The following CYP19A1 variants were observed in gnomAD, a reference collection of about 807,000 sequenced individuals.
The protein encoded by CYP19A1 is aromatase.
A neutral mutation model predicts 44.4 loss-of-function variants in CYP19A1; 32 were observed. The ratio of observed to expected loss-of-function variants is 0.72; its 90% CI spans 0.54 to 0.97. The LOEUF (loss-of-function observed/expected upper bound fraction) is 0.97, where lower values mean the gene tolerates loss of function less well. Among genes scored for constraint, CYP19A1 ranks in the 50% least tolerant of loss-of-function variants. The probability of loss-of-function intolerance (pLI) is 0.00; values close to 1 mark genes in which losing one functional copy is unlikely to be tolerated. For synonymous variants in CYP19A1, 212 were observed against 215.6 expected (o/e 0.98, Z 0.14); for missense variants, 598 against 637.8 (o/e 0.94, Z 0.67).
At chr15:51,272,008 C>T (rs930407517) in intron 1 of CYP19A1, among the ~76,000 whole-genome samples, 1 of 152,208 alleles carries the variant, frequency 6.6e-6, no homozygotes, top group African/African-American at 2.4e-5. Context: ...TCACCAAGTT[C>T]ATTGTTTATA....
At chr15:51,279,897 C>T (rs887388254) in intron 1 of CYP19A1, 1 of 152,176 alleles carries the variant, frequency 6.6e-6, no homozygotes. Flanking sequence ...CTCCTCTTTT[C>T]CCAATTCCAA....
At chr15:51,315,743 G>C (rs1190750345) in intron 1 of CYP19A1, 1 of 152,202 alleles carries the variant, frequency 6.6e-6, no homozygotes, top group East Asian at 1.9e-4. Flanking sequence ...TGCAGATTCT[G>C]GGTGCCAAGG....
At chr15:51,262,408 T>A (rs1170903148) in intron 1 of CYP19A1, among the ~76,000 whole-genome samples, 14 of 152,158 alleles carry the variant, frequency 9.2e-5, no homozygotes, top group Admixed American at 9.2e-4. Context: ...GCGCACTGGG[T>A]TAGGGTCTCC....
At position 51,325,565 on chromosome 15, in the gene CYP19A1, C is replaced by T. The variant is rs191339120; in HGVS notation, c.-39+12930G>A. Among the ~76,000 whole-genome samples, 27 of 152,272 alleles carry T rather than the reference C, an allele frequency of 1.8e-4. No homozygotes were observed. In the East Asian group the frequency reaches 4.2e-3, roughly 24 times the overall value. On this transcript the variant is annotated intron_variant, in intron 1 of 9. Transcript: ENST00000396402. ...TGAAAAGTTGAAAGTGCAGGCCAGGCGCCATGGCTCATGCCTGTAATCCCA... is the reference window on the plus strand; with the variant it reads ...TGAAAAGTTGAAAGTGCAGGCCAGGTGCCATGGCTCATGCCTGTAATCCCA...
intron 3 of CYP19A1, among the ~76,000 whole-genome samples, chr15:51,229,081 C>G (rs1326882747): frequency 6.6e-6 from 1 of 152,190 alleles, no homozygotes; most frequent in Non-Finnish European, 1.5e-5. Context: ...CAAAAAAGCG[C>G]TGCTCTGGTT....
At chr15:51,257,322 T>C (rs772874519) in intron 1 of CYP19A1, among the ~76,000 whole-genome samples, 8 of 152,232 alleles carry the variant, frequency 5.3e-5, no homozygotes, top group Non-Finnish European at 7.3e-5. Context: ...GTAAACCTTG[T>C]GGTCATGGCC....
intron 6 of CYP19A1, among the ~76,000 whole-genome samples, chr15:51,217,286 C>T (rs996139507): frequency 1.3e-5 from 2 of 152,178 alleles, no homozygotes; most frequent in African/African-American, 4.8e-5. Context: ...GTTATACAGA[C>T]TCATACAATA....
chr15:51,266,111 T>C (rs1375523203), intron 1 of CYP19A1, among the ~76,000 whole-genome samples: 2 of 152,160 alleles, frequency 1.3e-5, no homozygotes, highest in African/African-American at 4.8e-5. Context: ...TGAGGAAAGA[T>C]TTTGCTCTCA....
At chr15:51,329,974 G>A (rs535093995) in intron 1 of CYP19A1, among the ~76,000 whole-genome samples, 35 of 152,310 alleles carry the variant, frequency 2.3e-4, no homozygotes, top group African/African-American at 8.2e-4. Context: ...TGTGGGGCTG[G>A]AGGGCTCCCC....
At chr15:51,334,260 G>A (rs2036744118) in intron 1 of CYP19A1, among the ~76,000 whole-genome samples, 1 of 152,146 alleles carries the variant, frequency 6.6e-6, no homozygotes, top group African/African-American at 2.4e-5. Flanking sequence ...TGATAAACAG[G>A]GCATGGGTGA....
In CYP19A1 at chr15:51,315,944, G is replaced by A. The variant is rs907890609; in HGVS notation, c.-39+22551C>T. 4 of 152,242 alleles carry A rather than the reference G, an allele frequency of 2.6e-5. No individual in the cohort carries two copies. In the South Asian group the frequency reaches 8.3e-4, roughly 32 times the overall value. 9.4% of individuals were successfully genotyped at this position (152,242 alleles called of 1,614,324 possible). The stretch of plus-strand genomic sequence containing the variant: ...GAGCAGGGCTCTCACGCAGGGTTAG[G>A]AGATGCACAGAATTCAAGGCTTCCG... On this transcript the variant is annotated intron_variant, in intron 1 of 9. Transcript: ENST00000396402.
chr15:51,320,076 C>G (rs1392689569), intron 1 of CYP19A1, among the ~76,000 whole-genome samples: 1 of 152,236 alleles, frequency 6.6e-6, no homozygotes, highest in Non-Finnish European at 1.5e-5. Flanking sequence ...TGTGGAGACT[C>G]CAATGAGTAG....
At chr15:51,223,486 C>G (rs570924125) in intron 4 of CYP19A1, among the ~76,000 whole-genome samples, 2 of 151,928 alleles carry the variant, frequency 1.3e-5, no homozygotes, top group African/African-American at 4.8e-5. Flanking sequence ...CTGTTAACAT[C>G]AGAGTCTTTG....
At chr15:51,239,634 T>TAAA (rs373481551) in intron 2 of CYP19A1, among the ~76,000 whole-genome samples, 8 of 141,028 alleles carry the variant, frequency 5.7e-5, no homozygotes, top group African/African-American at 2.1e-4. Flanking sequence ...GGTAAAATGA[T>TAAA]AAAAAAAAAA....
chr15:51,297,156 C>A (rs2036011864), intron 1 of CYP19A1, among the ~76,000 whole-genome samples: 1 of 152,164 alleles, frequency 6.6e-6, no homozygotes, highest in Admixed American at 6.5e-5. Context: ...GACCTTTAGA[C>A]CTGGAAGAAC....
At chr15:51,217,629 A>C (rs1276070161) in intron 6 of CYP19A1, among the ~76,000 whole-genome samples, 4 of 152,198 alleles carry the variant, frequency 2.6e-5, no homozygotes, top group Non-Finnish European at 5.9e-5. Context: ...GGACATTTAG[A>C]GATGGAGAAC....
At chr15:51,269,673 G>A (rs1198855159) in intron 1 of CYP19A1, among the ~76,000 whole-genome samples, 1 of 152,180 alleles carries the variant, frequency 6.6e-6, no homozygotes, top group African/African-American at 2.4e-5. Flanking sequence ...TGACAAGCAT[G>A]CTAAGGGTAC....
intron 2 of CYP19A1, 31 bp from the exon 3 acceptor site, chr15:51,237,040 C>A (rs112649542): frequency 1.9e-6 from 3 of 1,613,596 alleles, no homozygotes; most frequent in Non-Finnish European, 2.5e-6. Context: ...TAAGCAACAT[C>A]TTAGTTACAC....
At chr15:51,227,361 A>G (rs1184193681) in intron 4 of CYP19A1, among the ~76,000 whole-genome samples, 1 of 152,124 alleles carries the variant, frequency 6.6e-6, no homozygotes, top group Non-Finnish European at 1.5e-5. Flanking sequence ...CCTTTATTGC[A>G]GTAGAATTCA....
Sources: gnomAD v4.1 joint callset for allele counts (sites outside exome capture counted in the v4.1 genomes callset) on GRCh38, gnomAD v4.1.1 for gene constraint, MANE v1.5 for transcripts, NCBI Gene and HGNC (gene_info 2026-07-23, HGNC 2026-07-21) for gene names.